Variants in MIEF1 observed in about 807,000 individuals in gnomAD.
MIEF1 encodes the protein mitochondrial dynamics protein MIEF1.
Under a neutral mutation model 35.1 loss-of-function variants are expected in MIEF1, and 14 were observed. That is an observed-to-expected ratio of 0.40 (90% CI 0.26 to 0.62). The LOEUF (loss-of-function observed/expected upper bound fraction) is 0.62, where lower values mean the gene tolerates loss of function less well. Ranked by LOEUF, MIEF1 falls within the 20% of genes least tolerant of loss-of-function variation. The probability of loss-of-function intolerance (pLI) is 0.43; values close to 1 mark genes in which losing one functional copy is unlikely to be tolerated. For synonymous variants in MIEF1, 245 were observed against 254.3 expected, an observed-to-expected ratio of 0.96 and a Z score of 0.35; for missense variants, 542 against 615.4, an observed-to-expected ratio of 0.88 and a Z score of 1.26.
Position 39,514,060 on chromosome 22 carries a change from C to G in MIEF1, c.1129C>G (p.Leu377Val), listed in dbSNP as rs1399619776. The change falls in exon 6 of 6, where the codon CTG (leucine) becomes GTG (valine). Residue 377 changes from leucine (L) to valine (V), a missense_variant. Leu to Val is a conservative substitution (Grantham distance 32, BLOSUM62 1). Coordinates refer to ENST00000325301, the MANE Select transcript of MIEF1 (RefSeq NM_019008.6). ...GGCCATATGCAAGTCCACCCCGGCT[C>G]TGGGCCACCTCACTGCCAGCCAGCT... ...LKAICKSTPA[L>V]GHLTASQLTN... 1.9e-6 allele frequency: 3 copies of G among 1,613,994 alleles called. No individual in the cohort carries two copies. The highest frequency in any genetic ancestry group is 1.6e-4 in the Middle Eastern group (1 of 6,084).
intron 1 of MIEF1, chr22:39,503,474 A>C (rs978996597): frequency 6.6e-6 from 1 of 152,228 alleles, no homozygotes; most frequent in Non-Finnish European, 1.5e-5. Flanking sequence ...TGCTTGTGTA[A>C]GGGTTTATTG....
rs1930585399 is a variant in MIEF1, at chr22:39,515,031, A to T, written c.*708A>T. 6 of 562,624 alleles carry T rather than the reference A, an allele frequency of 1.1e-5. No homozygotes were observed. In the South Asian group the frequency reaches 1.4e-4, roughly 13 times the overall value. The allele number at this position is 562,624 out of a possible 1,614,324, so 34.9% of individuals were successfully genotyped here. A position where few individuals can be genotyped will look rare whatever the true frequency, so the allele number is the denominator to read the frequency against. On this transcript the variant is annotated 3_prime_UTR_variant, in exon 6 of 6. Coordinates refer to ENST00000325301, the MANE Select transcript of MIEF1 (RefSeq NM_019008.6). ...TGAATGCAAAGTTATTTGCAGGTTG[A>T]ATTTCTTGGTGGCTATTAGCAGAAG...
intron 2 of MIEF1, among the ~76,000 whole-genome samples, chr22:39,505,818 C>T (rs975639002): frequency 9.2e-5 from 14 of 152,140 alleles, no homozygotes; most frequent in African/African-American, 3.4e-4. Flanking sequence ...GTGTGTACAG[C>T]AGTGGGACTT....
Position 39,517,254 on chromosome 22 carries a change from C to T in MIEF1, c.*2931C>T. ...TAAAAAATGCACTCATTATCTTAAA[C>T]CTAATAAATTCCAGAGTTTATTTTG... is the stretch of plus-strand genomic sequence containing the variant. On this transcript the variant is annotated 3_prime_UTR_variant, in exon 6 of 6. Coordinates refer to ENST00000325301, the MANE Select transcript of MIEF1 (RefSeq NM_019008.6). The T allele has an allele frequency of 5.0e-6, 1 of 199,404 alleles. No homozygotes were observed. The highest frequency in any genetic ancestry group is 1.1e-5 in the Non-Finnish European group (1 of 94,786). 12.4% of individuals were successfully genotyped at this position (199,404 alleles called of 1,614,324 possible). A position where few individuals can be genotyped will look rare whatever the true frequency, so the allele number is the denominator to read the frequency against.
intron 1 of MIEF1, 101 bp from the exon 2 acceptor site, chr22:39,504,102 G>T: frequency 5.0e-6 from 2 of 397,008 alleles, no homozygotes; most frequent in Non-Finnish European, 8.9e-6. Context: ...TGGAGCGGGG[G>T]GTCTCTGGAA....
rs995780473 is a variant in MIEF1, at chr22:39,515,917, A to G, written c.*1594A>G. The G allele has an allele frequency of 1.3e-5, 2 of 153,366 alleles. No homozygotes were observed. The highest frequency in any genetic ancestry group is 4.8e-5 in the African/African-American group (2 of 41,558). The allele number at this position is 153,366 out of a possible 1,614,324, so 9.5% of individuals were successfully genotyped here. A position where few individuals can be genotyped will look rare whatever the true frequency, so the allele number is the denominator to read the frequency against. ...CAGGAAATGACTCTTTAGCATCGAT[A>G]CCTCAACATCAATTTAGGGTAGAGA... is the stretch of plus-strand genomic sequence containing the variant. On this transcript the variant is annotated 3_prime_UTR_variant, in exon 6 of 6. Transcript: ENST00000325301.
intron 4 of MIEF1, 93 bp downstream of exon 4, chr22:39,512,119 G>T (rs149733411): frequency 1.8e-5 from 28 of 1,557,942 alleles, no homozygotes; most frequent in Non-Finnish European, 2.3e-5. Context: ...TCTGTGCCAG[G>T]CACTGTGCCA....
At chr22:39,505,149 G>A (rs1454025780) in intron 2 of MIEF1, among the ~76,000 whole-genome samples, 4 of 151,900 alleles carry the variant, frequency 2.6e-5, no homozygotes, top group Admixed American at 6.6e-5. Context: ...AACCAAGATC[G>A]CGCCACTGCA....
rs551383647 is a variant in MIEF1 at position 39,513,081 on chromosome 22, T to G, written c.586-436T>G. Among the ~76,000 whole-genome samples the G allele has an allele frequency of 3.4e-5, 5 of 148,830 alleles. No homozygotes were observed. The South Asian group carries it at 1.1e-3, about 32-fold the overall frequency. On this transcript the variant is annotated intron_variant, in intron 5 of 5. Coordinates refer to ENST00000325301, the MANE Select transcript of MIEF1 (RefSeq NM_019008.6). ...TCTAGTTTTCTCACTCTGTGTAGAT[T>G]GCATGGTGACATGAAAGAATTTTTT...
In MIEF1 at chr22:39,515,506, C is replaced by T; in HGVS notation, c.*1183C>T. 1 of 615,944 alleles carries T rather than the reference C, an allele frequency of 1.6e-6. No individual in the cohort carries two copies. 38.2% of individuals were successfully genotyped at this position (615,944 alleles called of 1,614,324 possible). On this transcript the variant is annotated 3_prime_UTR_variant, in exon 6 of 6. Coordinates refer to ENST00000325301, the MANE Select transcript of MIEF1 (RefSeq NM_019008.6). ...AGGGCAAGTGAGCATGCACGGACCTCTTCCCCCTGTCCTGTTTCTCACCCA... is the reference window on the plus strand; with the variant it reads ...AGGGCAAGTGAGCATGCACGGACCTTTTCCCCCTGTCCTGTTTCTCACCCA...
intron 2 of MIEF1, among the ~76,000 whole-genome samples, chr22:39,508,091 A>T (rs1223558183): frequency 6.6e-6 from 1 of 152,170 alleles, no homozygotes; most frequent in African/African-American, 2.4e-5. Context: ...ATCCACTGCA[A>T]TACAGTTTAT....
upstream of MIEF1, chr22:39,501,947 C>T (rs1569012305): frequency 6.6e-6 from 1 of 152,452 alleles, no homozygotes; most frequent in Non-Finnish European, 1.5e-5. Flanking sequence ...TACCCCAGGG[C>T]CCCAGCCAGA....
chr22:39,509,424 C>T (rs1485831844), intron 2 of MIEF1: 1 of 152,294 alleles, frequency 6.6e-6, no homozygotes, highest in East Asian at 1.9e-4. Flanking sequence ...CGGCTCAGGC[C>T]CAGGGTTCTA....
chr22:39,512,646 G>A, intron 5 of MIEF1, 152 bp downstream of exon 5: 1 of 1,065,594 alleles, frequency 9.4e-7, no homozygotes, highest in Non-Finnish European at 1.3e-6. Context: ...ATCCATGCTT[G>A]TTATTCTTTT....
rs375588591 is a variant in MIEF1, at chr22:39,513,750, C to T, written c.819C>T (p.Ser273=). Residue 273 remains serine (S), a synonymous_variant, in exon 6 of 6, where the codon TCC becomes TCT. Coordinates refer to ENST00000325301, the MANE Select transcript of MIEF1 (RefSeq NM_019008.6). The part of the protein sequence containing the change: ...ADTFEKVVAG[S]INWPAIGSLL... Reference sequence around the variant, plus strand: ...CATTTGAGAAGGTAGTGGCTGGCTCCATCAATTGGCCAGCCATAGGGTCCC... The same window carrying T: ...CATTTGAGAAGGTAGTGGCTGGCTCTATCAATTGGCCAGCCATAGGGTCCC... 6.2e-6 allele frequency: 10 copies of T among 1,613,918 alleles called. No individual in the cohort carries two copies. The highest frequency in any genetic ancestry group is 8.5e-6 in the Non-Finnish European group (10 of 1,180,010).
chr22:39,513,465 T>A (rs2084567797), intron 5 of MIEF1, 52 bp from the exon 6 acceptor site: 1 of 1,549,944 alleles, frequency 6.5e-7, no homozygotes, highest in South Asian at 1.2e-5. Flanking sequence ...AGAGGAAGCA[T>A]GTCTTTTGAA....
chr22:39,510,181 C>T (rs1339355396), intron 2 of MIEF1, among the ~76,000 whole-genome samples: 1 of 152,184 alleles, frequency 6.6e-6, no homozygotes, highest in East Asian at 1.9e-4. Context: ...TTGTCTTGAA[C>T]TCCTGATCTC....
chr22:39,509,934 C>A (rs1937709134), intron 2 of MIEF1, among the ~76,000 whole-genome samples: 2 of 152,032 alleles, frequency 1.3e-5, no homozygotes, highest in South Asian at 2.1e-4. Context: ...AGTGGGGAGT[C>A]CTGAGTTCTG....
chr22:39,500,976 C>T (rs1439290199), upstream of MIEF1, among the ~76,000 whole-genome samples: 5 of 152,122 alleles, frequency 3.3e-5, no homozygotes, highest in Admixed American at 6.5e-5. Flanking sequence ...GGATTACAGA[C>T]GTGAGCCACC....
Sources: allele counts gnomAD v4.1 joint callset (sites outside exome capture counted in the v4.1 genomes callset), GRCh38; gene constraint gnomAD v4.1.1; transcripts MANE v1.5; gene names NCBI Gene and HGNC (gene_info 2026-07-23, HGNC 2026-07-21).